Variants in CSMD1 observed in about 807,000 individuals in gnomAD.
The protein encoded by CSMD1 is CUB and Sushi multiple domains 1.
CSMD1 carries 213 observed loss-of-function variants against 417.5 expected under a neutral mutation model. That is an observed-to-expected ratio of 0.51 (90% CI 0.46 to 0.57). CSMD1 has a LOEUF of 0.57. CSMD1 is among the 20% of genes least tolerant of loss of function. CSMD1 has a pLI of 0.00. For synonymous variants in CSMD1, 2,862 were observed against 1,736.8 expected (o/e 1.65, Z -16.11); for missense variants, 6,923 against 4,529.7 (o/e 1.53, Z -15.17).
At position 3,274,445 on chromosome 8, in the gene CSMD1, C is replaced by T. The variant is rs188694687; in HGVS notation, c.4153+9699G>A. On this transcript the variant is annotated intron_variant, in intron 26 of 69. Coordinates refer to ENST00000635120, the MANE Select transcript of CSMD1 (RefSeq NM_033225.6). ...GAGTTCTGTAGATGTCTATTAGGTCCGCTTGGTGCAGAGCTGAGTTAAGTT... is the reference window on the plus strand; with the variant it reads ...GAGTTCTGTAGATGTCTATTAGGTCTGCTTGGTGCAGAGCTGAGTTAAGTT... Among the ~76,000 whole-genome samples the T allele has an allele frequency of 3.2e-3, 481 of 152,108 alleles. 3 individuals carry two copies. The highest frequency in any genetic ancestry group is 9.4e-3 in the African/African-American group (392 of 41,496).
intron 1 of CSMD1, among the ~76,000 whole-genome samples, chr8:4,672,277 T>C (rs960356748): frequency 6.6e-6 from 1 of 152,146 alleles, no homozygotes; most frequent in Non-Finnish European, 1.5e-5. Flanking sequence ...TGATCTCTTG[T>C]GCTCTCCCAA....
intron 6 of CSMD1, among the ~76,000 whole-genome samples, chr8:3,750,423 C>A (rs559010223): frequency 2.0e-5 from 3 of 151,294 alleles, no homozygotes; most frequent in Non-Finnish European, 4.4e-5. Flanking sequence ...GAAAATAACA[C>A]AATAATGTTT....
chr8:3,811,576 A>C (rs1801081768), intron 5 of CSMD1, among the ~76,000 whole-genome samples: 1 of 152,142 alleles, frequency 6.6e-6, no homozygotes, highest in African/African-American at 2.4e-5. Flanking sequence ...TCCTCGGTCA[A>C]GGCCATCATG....
Position 3,270,046 on chromosome 8 carries a change from C to T in CSMD1, c.4153+14098G>A, listed in dbSNP as rs967543209. On this transcript the variant is annotated intron_variant, in intron 26 of 69. Coordinates refer to ENST00000635120, the MANE Select transcript of CSMD1 (RefSeq NM_033225.6). ...GAGCAAGGACTTTCTCTAACCTCTT[C>T]TTTTTTTTTTTTTTTTTTTTTGAGA... 5.9e-5 allele frequency among the ~76,000 whole-genome samples: 7 copies of T among 118,386 alleles called. No homozygotes were observed. The East Asian group carries it at 9.1e-4, about 15-fold the overall frequency. The allele number at this position is 118,386 out of a possible 152,430, so 77.7% of individuals were successfully genotyped here.
intron 7 of CSMD1, among the ~76,000 whole-genome samples, chr8:3,636,957 G>A (rs1394809378): frequency 1.3e-5 from 2 of 152,106 alleles, no homozygotes; most frequent in East Asian, 3.9e-4. Context: ...ATGATGGATT[G>A]CTATAAATGC....
intron 6 of CSMD1, among the ~76,000 whole-genome samples, chr8:3,717,368 A>T (rs906683906): frequency 3.3e-5 from 5 of 152,236 alleles, no homozygotes; most frequent in African/African-American, 9.6e-5. Context: ...TCCCACTATA[A>T]TAAAAGATAT....
chr8:4,928,197 C>A (rs943392292), intron 1 of CSMD1, among the ~76,000 whole-genome samples: 1 of 152,142 alleles, frequency 6.6e-6, no homozygotes, highest in East Asian at 1.9e-4. Context: ...GAGTGCCCGT[C>A]ACCAAGAAGC....
intron 54 of CSMD1, among the ~76,000 whole-genome samples, chr8:2,989,740 C>T (rs1398658547): frequency 2.0e-5 from 3 of 152,140 alleles, no homozygotes; most frequent in Non-Finnish European, 4.4e-5. Flanking sequence ...GAAAGTGGAA[C>T]CTACATACAA....
chr8:3,177,699 G>A lies in CSMD1; in HGVS notation c.5725+3411C>T, dbSNP rs950319337. ...TAGAAACACTCCAGTCTCGGGGCCCGTGTGTTCAATCTTGTTGTTCCTCCC... is the reference window on the plus strand; with the variant it reads ...TAGAAACACTCCAGTCTCGGGGCCCATGTGTTCAATCTTGTTGTTCCTCCC... On this transcript the variant is annotated intron_variant, in intron 37 of 69. Transcript: ENST00000635120. Among the ~76,000 whole-genome samples the A allele has an allele frequency of 5.9e-5, 9 of 152,066 alleles. 1 individual carries two copies. The highest frequency in any genetic ancestry group is 2.0e-4 in the Admixed American group (3 of 15,274).
intron 25 of CSMD1, among the ~76,000 whole-genome samples, chr8:3,285,441 C>G (rs1219480371): frequency 6.6e-6 from 1 of 150,708 alleles, no homozygotes; most frequent in Non-Finnish European, 1.5e-5. Flanking sequence ...GGCTGGAGTG[C>G]AGTGTCATGA....
chr8:4,363,263 C>A (rs1389314096), intron 3 of CSMD1, among the ~76,000 whole-genome samples: 1 of 152,138 alleles, frequency 6.6e-6, no homozygotes, highest in Non-Finnish European at 1.5e-5. Context: ...CCATTATCAC[C>A]CCTTAAAGGA....
chr8:3,684,973 G>A (rs1455217012), intron 7 of CSMD1, among the ~76,000 whole-genome samples: 2 of 152,122 alleles, frequency 1.3e-5, no homozygotes, highest in African/African-American at 4.8e-5. Flanking sequence ...CCTGTGGTAG[G>A]AAAGTCAATA....
intron 5 of CSMD1, among the ~76,000 whole-genome samples, chr8:3,780,799 T>C (rs868241877): frequency 2.6e-5 from 4 of 152,180 alleles, no homozygotes; most frequent in Admixed American, 2.0e-4. Flanking sequence ...AGTAATTCAA[T>C]CAGCTGGCCC....
intron 1 of CSMD1, among the ~76,000 whole-genome samples, chr8:4,964,324 G>T (rs1239987394): frequency 2.6e-5 from 4 of 151,514 alleles, no homozygotes; most frequent in Non-Finnish European, 5.9e-5. Context: ...CACCAGCAGG[G>T]CAGCATGGCA....
chr8:2,963,452 G>A (rs1803681416), intron 59 of CSMD1, 57 bp from the exon 60 acceptor site: 2 of 1,532,564 alleles, frequency 1.3e-6, no homozygotes, highest in Non-Finnish European at 1.8e-6. Context: ...CAGCGGTGAT[G>A]TTCAAACGAT....
At chr8:4,056,063 G>A (rs1459970903) in intron 3 of CSMD1, among the ~76,000 whole-genome samples, 2 of 145,040 alleles carry the variant, frequency 1.4e-5, no homozygotes, top group Non-Finnish European at 3.0e-5. Context: ...TCTCTGTTTG[G>A]ATATTGGTGG....
intron 3 of CSMD1, among the ~76,000 whole-genome samples, chr8:4,034,542 A>C (rs1421523982): frequency 6.6e-6 from 1 of 152,202 alleles, no homozygotes; most frequent in Non-Finnish European, 1.5e-5. Context: ...ATAAGGAAGA[A>C]AAACTTTCCA....
intron 3 of CSMD1, among the ~76,000 whole-genome samples, chr8:4,049,589 C>A (rs1304382564): frequency 6.6e-6 from 1 of 152,020 alleles, no homozygotes. Flanking sequence ...CCTGCTCTGT[C>A]TTTTTTATTT....
chr8:4,195,888 G>T (rs1259271971), intron 3 of CSMD1, among the ~76,000 whole-genome samples: 1 of 152,066 alleles, frequency 6.6e-6, no homozygotes, highest in Non-Finnish European at 1.5e-5. Context: ...AGAGGACTCA[G>T]CACAGTCCCA....
Sources: allele counts gnomAD v4.1 joint callset (sites outside exome capture counted in the v4.1 genomes callset), GRCh38; gene constraint gnomAD v4.1.1; transcripts MANE v1.5; gene names NCBI Gene and HGNC (gene_info 2026-07-23, HGNC 2026-07-21).